Variants in NEXMIF observed in about 807,000 individuals in gnomAD.
The protein encoded by NEXMIF is XLMR protein related to neurite extension.
Under a neutral mutation model 62.1 loss-of-function variants are expected in NEXMIF, and 8 were observed. The observed-to-expected ratio is 0.13, with a 90% CI of 0.08 to 0.23. NEXMIF has a LOEUF of 0.23. Ranked by LOEUF, NEXMIF falls within the 10% of genes least tolerant of loss-of-function variation. The pLI is 1.00. For missense variants in NEXMIF, 976 were observed against 1,113.3 expected (o/e 0.88, Z 1.75); for synonymous variants, 404 against 416.6 (o/e 0.97, Z 0.37).
chrX:74,875,807 G>A (rs763235358), intron 1 of NEXMIF, among the ~76,000 whole-genome samples: 2 of 111,543 alleles, frequency 1.8e-5, no homozygotes, highest in African/African-American at 3.3e-5. Context: ...ATTCTCTGAT[G>A]GTAGTTTGTA....
At chrX:74,840,933 C>T (rs928939846) in intron 1 of NEXMIF, among the ~76,000 whole-genome samples, 4 of 111,722 alleles carry the variant, frequency 3.6e-5, no homozygotes, top group African/African-American at 1.3e-4. Context: ...CAGGTTTGTT[C>T]TTCTTGCTTA....
At chrX:74,892,588 G>A (rs1055280907) in intron 1 of NEXMIF, among the ~76,000 whole-genome samples, 9 of 112,213 alleles carry the variant, frequency 8.0e-5, no homozygotes, top group African/African-American at 2.9e-4. Context: ...GAGTTGAAAT[G>A]CTGCCTCTAA....
intron 1 of NEXMIF, among the ~76,000 whole-genome samples, chrX:74,773,653 A>G (rs2080218151): frequency 9.0e-6 from 1 of 111,274 alleles, no homozygotes; most frequent in African/African-American, 3.3e-5. Context: ...TACGCTTGTA[A>G]TCCCAGCACT....
At chrX:74,888,500 C>T (rs925909055) in intron 1 of NEXMIF, among the ~76,000 whole-genome samples, 13 of 108,913 alleles carry the variant, frequency 1.2e-4, no homozygotes, top group African/African-American at 3.7e-4. Context: ...AATGAGAAAA[C>T]ATGGACACAG....
At chrX:74,889,162 G>A (rs1175886171) in intron 1 of NEXMIF, among the ~76,000 whole-genome samples, 1 of 111,921 alleles carries the variant, frequency 8.9e-6, no homozygotes, top group African/African-American at 3.2e-5. Context: ...GAAATAAGCT[G>A]TGAGGGACAG....
chrX:74,880,504 A>G (rs1440129746), intron 1 of NEXMIF, among the ~76,000 whole-genome samples: 1 of 111,550 alleles, frequency 9.0e-6, no homozygotes, highest in African/African-American at 3.3e-5. Context: ...AAACGTTACA[A>G]TTCTGTGCAC....
At chrX:74,882,468 G>A (rs1030631062) in intron 1 of NEXMIF, among the ~76,000 whole-genome samples, 23 of 112,209 alleles carry the variant, frequency 2.0e-4, no homozygotes, top group Non-Finnish European at 2.1e-4. Context: ...CTTTTCCAAC[G>A]GGCTTATCAA....
Position 74,854,734 on chromosome X carries a change from C to A in NEXMIF, c.-48+70149G>T, listed in dbSNP as rs193161605. Among the ~76,000 whole-genome samples, 362 of 111,911 alleles carry A rather than the reference C, an allele frequency of 3.2e-3. 2 individuals are homozygous for A. Among genetic ancestry groups the A allele is most frequent in the African/African-American group, 0.011 (346 of 30,854 alleles). ...TTACAGAACACAAAATCAACACACA[C>A]AAATCAGTAGTATTTCTACACATAA... On this transcript the variant is annotated intron_variant, in intron 1 of 3. Coordinates refer to ENST00000055682, the MANE Select transcript of NEXMIF (RefSeq NM_001008537.3).
chrX:74,794,711 C>A (rs974557726), intron 1 of NEXMIF, among the ~76,000 whole-genome samples: 1 of 111,687 alleles, frequency 9.0e-6, no homozygotes, highest in Non-Finnish European at 1.9e-5. Flanking sequence ...GGAAAAGCGC[C>A]ATATTCGGGT....
chrX:74,755,164 C>T (rs2080155840), intron 1 of NEXMIF, among the ~76,000 whole-genome samples: 1 of 112,705 alleles, frequency 8.9e-6, no homozygotes, highest in Non-Finnish European at 1.9e-5. Flanking sequence ...ACTCCACTTC[C>T]TTACCTCTCT....
intron 1 of NEXMIF, among the ~76,000 whole-genome samples, chrX:74,912,538 C>G: frequency 9.0e-6 from 1 of 111,340 alleles, no homozygotes; most frequent in Non-Finnish European, 1.9e-5. Context: ...CCTACTGGAT[C>G]CATATTAACC....
intron 1 of NEXMIF, among the ~76,000 whole-genome samples, chrX:74,819,682 A>G (rs1215500022): frequency 8.9e-6 from 1 of 112,095 alleles, no homozygotes; most frequent in African/African-American, 3.2e-5. Context: ...AAAAGTCAGG[A>G]AAGAACAGAT....
intron 1 of NEXMIF, among the ~76,000 whole-genome samples, chrX:74,791,271 G>T (rs1602228681): frequency 8.9e-6 from 1 of 111,754 alleles, no homozygotes; most frequent in East Asian, 2.8e-4. Flanking sequence ...TTATGTGCTG[G>T]ATTACATTTA....
chrX:74,787,125 GA>G (rs761394512), intron 1 of NEXMIF, among the ~76,000 whole-genome samples: 3 of 81,626 alleles, frequency 3.7e-5, no homozygotes, highest in East Asian at 6.2e-4. Flanking sequence ...AAAAAAAAAA[GA>G]AAAAAAATTA....
chrX:74,767,559 T>A (rs1470839400), intron 1 of NEXMIF, among the ~76,000 whole-genome samples: 2 of 111,439 alleles, frequency 1.8e-5, no homozygotes, highest in Admixed American at 1.9e-4. Context: ...GGCAGTTGAC[T>A]GCTCTAGTCA....
chrX:74,799,449 AT>A (rs1295770101), intron 1 of NEXMIF, among the ~76,000 whole-genome samples: 1 of 111,768 alleles, frequency 8.9e-6, no homozygotes, highest in African/African-American at 3.3e-5. Context: ...CAAATTAAAA[AT>A]TAAAAAAAAG....
intron 1 of NEXMIF, among the ~76,000 whole-genome samples, chrX:74,756,821 C>A (rs763180009): frequency 1.8e-5 from 2 of 111,717 alleles, no homozygotes; most frequent in South Asian, 7.5e-4. Context: ...TCTGGGGGTG[C>A]TGTGCTCATT....
intron 1 of NEXMIF, among the ~76,000 whole-genome samples, chrX:74,863,326 A>T (rs1172064540): frequency 9.0e-6 from 1 of 111,507 alleles, no homozygotes; most frequent in Non-Finnish European, 1.9e-5. Flanking sequence ...CTGTTCAAAC[A>T]ATCAATGAAT....
intron 1 of NEXMIF, among the ~76,000 whole-genome samples, chrX:74,882,652 C>T (rs1222333102): frequency 2.7e-5 from 3 of 112,162 alleles, no homozygotes; most frequent in Non-Finnish European, 5.6e-5. Context: ...GTCCAGGAAG[C>T]TCGAACTGGG....
Sources: gnomAD v4.1 joint callset for allele counts (sites outside exome capture counted in the v4.1 genomes callset) on GRCh38, gnomAD v4.1.1 for gene constraint, MANE v1.5 for transcripts, NCBI Gene and HGNC (gene_info 2026-07-23, HGNC 2026-07-21) for gene names.